METTL16: variants seen among roughly 807,000 people sequenced by gnomAD.
METTL16 encodes the protein methyltransferase 16, RNA N6-adenosine.
In METTL16, 19 loss-of-function variants were observed where a neutral mutation model predicts 57.9. The observed-to-expected ratio is 0.33, with a 90% CI of 0.23 to 0.48. The LOEUF is 0.48. METTL16 is among the 20% of genes least tolerant of loss of function. The probability of loss-of-function intolerance (pLI) is 0.99; values close to 1 mark genes in which losing one functional copy is unlikely to be tolerated. For synonymous variants in METTL16, 246 were observed against 255.6 expected (o/e 0.96, Z 0.36); for missense variants, 434 against 691.5 (o/e 0.63, Z 4.18).
intron 2 of METTL16, among the ~76,000 whole-genome samples, chr17:2,485,412 C>T (rs1000981391): frequency 1.3e-5 from 2 of 152,068 alleles, no homozygotes; most frequent in African/African-American, 2.4e-5. Context: ...TGAATCATCC[C>T]GAAATCACCC....
At chr17:2,492,173 T>G (rs1368228402) in intron 2 of METTL16, among the ~76,000 whole-genome samples, 1 of 152,082 alleles carries the variant, frequency 6.6e-6, no homozygotes, top group Non-Finnish European at 1.5e-5. Flanking sequence ...ATTGCGCCAC[T>G]GCACTCCAGC....
rs369059220 is a variant in METTL16, at chr17:2,419,929, G to A, written c.*41C>T. The A allele has an allele frequency of 1.9e-6, 3 of 1,603,854 alleles. No individual in the cohort carries two copies. The highest frequency in any genetic ancestry group is 1.7e-6 in the Non-Finnish European group (2 of 1,173,778). ...TTGCCACCCCACAGGCCACTCCAAA[G>A]CAAGTTACTATCAACACGTTTCCAA... On this transcript the variant is annotated 3_prime_UTR_variant, in exon 10 of 10. Coordinates refer to ENST00000263092, the MANE Select transcript of METTL16 (RefSeq NM_024086.4).
chr17:2,441,379 G>A (rs571861860), intron 7 of METTL16, 111 bp downstream of exon 7: 2 of 698,660 alleles, frequency 2.9e-6, no homozygotes, highest in Admixed American at 3.9e-5. Flanking sequence ...CAGTTACACT[G>A]AAAGCCCTGA....
At chr17:2,450,240 T>A (rs965367155) in intron 6 of METTL16, among the ~76,000 whole-genome samples, 2 of 152,160 alleles carry the variant, frequency 1.3e-5, no homozygotes, top group Admixed American at 6.5e-5. Context: ...AACTGGCAAA[T>A]GGATGAACGA....
intron 2 of METTL16, among the ~76,000 whole-genome samples, chr17:2,479,838 T>C (rs2151570333): frequency 6.6e-6 from 1 of 152,206 alleles, no homozygotes; most frequent in African/African-American, 2.4e-5. Flanking sequence ...CTGCAATCAA[T>C]TTGCCATGGA....
At chr17:2,448,622 C>T (rs1397309319) in intron 6 of METTL16, among the ~76,000 whole-genome samples, 6 of 96,790 alleles carry the variant, frequency 6.2e-5, no homozygotes, top group African/African-American at 1.8e-4. Flanking sequence ...GCCGCAGGGT[C>T]CTCTGCCTAG....
intron 6 of METTL16, among the ~76,000 whole-genome samples, chr17:2,459,206 G>A (rs772416114): frequency 6.6e-6 from 1 of 152,206 alleles, no homozygotes; most frequent in Non-Finnish European, 1.5e-5. Context: ...CCTCATCAAC[G>A]ACAGAAAGGC....
At chr17:2,448,802 T>TA (rs71150866) in intron 6 of METTL16, among the ~76,000 whole-genome samples, 8,307 of 43,522 alleles carry the variant, frequency 0.19, 834 homozygotes, top group South Asian at 0.34. Context: ...AAATAAAATT[T>TA]AAAAAAAAAA....
chr17:2,509,424 C>G (rs2067571049), intron 1 of METTL16, among the ~76,000 whole-genome samples: 1 of 152,110 alleles, frequency 6.6e-6, no homozygotes, highest in Non-Finnish European at 1.5e-5. Context: ...GCCCCCAGTT[C>G]TCAAGAAAAC....
At chr17:2,427,078 A>T (rs1159645732) in intron 8 of METTL16, among the ~76,000 whole-genome samples, 1 of 151,996 alleles carries the variant, frequency 6.6e-6, no homozygotes, top group Non-Finnish European at 1.5e-5. Flanking sequence ...CCCAGGAGGC[A>T]GGGCCTGCAG....
At chr17:2,424,464 C>T (rs1033724325) in intron 8 of METTL16, 1 of 152,052 alleles carries the variant, frequency 6.6e-6, no homozygotes, top group Admixed American at 6.6e-5. Flanking sequence ...ATTGCCCAGG[C>T]TGGTCTGGAA....
At chr17:2,505,082 T>C (rs1440638980) in intron 1 of METTL16, among the ~76,000 whole-genome samples, 1 of 152,148 alleles carries the variant, frequency 6.6e-6, no homozygotes, top group African/African-American at 2.4e-5. Context: ...TATCAAGACA[T>C]AAACACTGAA....
At chr17:2,499,596 C>T (rs2067472869) in intron 2 of METTL16, among the ~76,000 whole-genome samples, 2 of 152,064 alleles carry the variant, frequency 1.3e-5, no homozygotes, top group African/African-American at 4.8e-5. Context: ...GGGTAAGTGA[C>T]TCCAAAGTAA....
At chr17:2,415,733 C>G (rs1175515709), downstream of METTL16, 1 of 153,890 alleles carries the variant, frequency 6.5e-6, no homozygotes, top group East Asian at 1.9e-4. Flanking sequence ...CTGCCTGCCT[C>G]TGCCTCCCAA....
intron 8 of METTL16, among the ~76,000 whole-genome samples, chr17:2,426,986 A>T (rs1036077732): frequency 5.3e-5 from 8 of 151,288 alleles, no homozygotes; most frequent in Non-Finnish European, 8.8e-5. Flanking sequence ...AATACGAAAA[A>T]AAAAAAAAGA....
chr17:2,504,600 G>C (rs1230319139), intron 1 of METTL16, among the ~76,000 whole-genome samples: 2 of 152,168 alleles, frequency 1.3e-5, no homozygotes, highest in African/African-American at 4.8e-5. Flanking sequence ...CTGTCATCCA[G>C]GATGGAGTGC....
chr17:2,466,054 G>A (rs145279085), intron 5 of METTL16, among the ~76,000 whole-genome samples: 135 of 151,906 alleles, frequency 8.9e-4, no homozygotes, highest in East Asian at 3.7e-3. Context: ...TTAGCCGGGC[G>A]TGGAGGTGCA....
chr17:2,420,424 G>A lies in METTL16; in HGVS notation c.1235C>T (p.Thr412Ile), dbSNP rs780648593. The stretch of plus-strand genomic sequence containing the variant: ...TTGGCTATTGCCAGACTCTTTGGGG[G>A]TGGGCTTTTTCTCTTCCAAGGCCTG... ...VIQALEEKKP[T>I]PKESGNSQEL... The change falls in exon 10 of 10, where the codon ACC (threonine) becomes ATC (isoleucine). Residue 412 changes from threonine to isoleucine, a missense_variant. Physicochemically the swap from Thr to Ile is moderately conservative, Grantham distance 89. Transcript: ENST00000263092. This position sits in a 1 kb window ranked among gnomAD's most constrained non-coding sequence, Gnocchi z 5.4. 1.9e-6 allele frequency: 3 copies of A among 1,614,080 alleles called. No homozygotes were observed. Among genetic ancestry groups the A allele is most frequent in the South Asian group, 2.2e-5 (2 of 91,092 alleles).
chr17:2,469,979 T>C lies in METTL16; in HGVS notation c.470-2103A>G, dbSNP rs151138828. 6.8e-4 allele frequency among the ~76,000 whole-genome samples: 103 copies of C among 152,362 alleles called. 1 individual carries two copies. The highest frequency in any genetic ancestry group is 2.2e-3 in the African/African-American group (93 of 41,588). On this transcript the variant is annotated intron_variant, in intron 4 of 9. Coordinates refer to ENST00000263092, the MANE Select transcript of METTL16 (RefSeq NM_024086.4). Reference sequence around the variant, plus strand: ...CCACAAATAGTCAATGAGTGAATACTGAACCACTGATTCCCAGGGGAAATA... The same window carrying C: ...CCACAAATAGTCAATGAGTGAATACCGAACCACTGATTCCCAGGGGAAATA...
Sources: allele counts gnomAD v4.1 joint callset (sites outside exome capture counted in the v4.1 genomes callset), GRCh38; gene constraint gnomAD v4.1.1; non-coding constraint Gnocchi (gnomAD v3.1); transcripts MANE v1.5; gene names NCBI Gene and HGNC (gene_info 2026-07-23, HGNC 2026-07-21).